The following EPHA1 variants were observed in gnomAD, a reference collection of about 807,000 sequenced individuals.
EPHA1 encodes EPH receptor A1.
EPHA1 carries 92 observed loss-of-function variants against 110.1 expected under a neutral mutation model. That is an observed-to-expected ratio of 0.84 (90% CI 0.71 to 0.99). EPHA1 has a LOEUF of 0.99. Ranked by LOEUF, EPHA1 falls within the 50% of genes least tolerant of loss-of-function variation. The pLI is 0.00. For synonymous variants in EPHA1, 500 were observed against 516.1 expected (o/e 0.97, Z 0.42); for missense variants, 1,204 against 1,285.4 (o/e 0.94, Z 0.97).
intron 2 of EPHA1, among the ~76,000 whole-genome samples, chr7:143,404,657 T>C (rs1051259885): frequency 2.6e-5 from 4 of 151,924 alleles, no homozygotes; most frequent in African/African-American, 9.7e-5. Context: ...AGGCTCGTTT[T>C]TGGACTTTCT....
Position 143,401,355 on chromosome 7 carries a change from C to A in EPHA1, c.401G>T (p.Gly134Val). The change falls in exon 3 of 18, where the codon GGC becomes GTC. Residue 134 changes from glycine (G) to valine (V), a missense_variant. Transcript: ENST00000275815. The surrounding 1 kb of genome is among the most constrained non-coding windows in gnomAD (Gnocchi z 4.1). ...LLYMESDQDV[G>V]IQLRRPLFQK... ...GAACAAGGGCCGTCGGAGCTGAATG[C>A]CCACATCCTGGTCACTCTCCATGTA... is the stretch of plus-strand genomic sequence containing the variant. 1 of 1,614,068 alleles carries A rather than the reference C, an allele frequency of 6.2e-7. No homozygotes were observed. The highest frequency in any genetic ancestry group is 8.5e-7 in the Non-Finnish European group (1 of 1,180,038).
Position 143,397,526 on chromosome 7 carries a change from G to A in EPHA1, c.1712+35C>T, listed in dbSNP as rs373850526. The A allele has an allele frequency of 3.4e-3, 5,533 of 1,612,152 alleles. 230 individuals are homozygous for A. The South Asian group carries it at 0.058, about 17-fold the overall frequency. On this transcript the variant is annotated intron_variant, in intron 9 of 17. Transcript: ENST00000275815. ...GCTGCAGTCAGGGGCTTCTGACCCA[G>A]GGCTGGTGGTTGGGGAGGGGGCAGG...
rs1563119657 is a variant in EPHA1 at position 143,401,527 on chromosome 7, T to C, written c.229A>G (p.Thr77Ala). The change falls in exon 3 of 18, where the codon ACT becomes GCT. Residue 77 changes from threonine (T) to alanine (A), a missense_variant. By Grantham distance (58) the Thr-to-Ala change is moderately conservative. Coordinates refer to ENST00000275815, the MANE Select transcript of EPHA1 (RefSeq NM_005232.5). The surrounding 1 kb of genome is among the most constrained non-coding windows in gnomAD (Gnocchi z 4.1). ...CAATTGGAGCGAAGCCAGTGGTCAG[T>C]GTCTCTGCGTCCTTGCATTGGGCAG... is the stretch of plus-strand genomic sequence containing the variant. ...QDCPMQGRRDTDHWLRSNWIY... is the reference protein window; with the variant it reads ...QDCPMQGRRDADHWLRSNWIY... The C allele has an allele frequency of 1.2e-6, 2 of 1,614,144 alleles. No individual in the cohort carries two copies. The highest frequency in any genetic ancestry group is 2.2e-5 in the South Asian group (2 of 91,088).
In EPHA1 at chr7:143,401,808, A is replaced by G. The variant is rs1405976079; in HGVS notation, c.151-203T>C. On this transcript the variant is annotated intron_variant, in intron 2 of 17. Coordinates refer to ENST00000275815, the MANE Select transcript of EPHA1 (RefSeq NM_005232.5). This position sits in a 1 kb window ranked among gnomAD's most constrained non-coding sequence, Gnocchi z 4.1. ...GTTTGGATATAAGATGGGCAAGACA[A>G]TAGTCCCTTAACATCCCTAGTTGAT... 6.6e-6 allele frequency among the ~76,000 whole-genome samples: 1 copy of G among 152,214 alleles called. No individual in the cohort carries two copies. Among genetic ancestry groups the G allele is most frequent in the African/African-American group, 2.4e-5 (1 of 41,452 alleles).
intron 2 of EPHA1, among the ~76,000 whole-genome samples, chr7:143,405,253 A>C (rs2116638268): frequency 6.6e-6 from 1 of 152,282 alleles, no homozygotes; most frequent in Non-Finnish European, 1.5e-5. Context: ...CCGTGGCTGA[A>C]GCTGGAGCCA....
At chr7:143,402,881 A>G (rs1299287954) in intron 2 of EPHA1, among the ~76,000 whole-genome samples, 1 of 152,150 alleles carries the variant, frequency 6.6e-6, no homozygotes, top group African/African-American at 2.4e-5. Flanking sequence ...TACACAGAAT[A>G]AAGTTTAATT....
intron 11 of EPHA1, 136 bp downstream of exon 11, chr7:143,396,249 T>C: frequency 8.2e-7 from 1 of 1,224,636 alleles, no homozygotes; most frequent in Non-Finnish European, 1.1e-6. Context: ...CAGAGCAGAG[T>C]GAGTACCTCT....
chr7:143,393,571 A>AGCTCCCCAGGCCCAGC lies in EPHA1; in HGVS notation c.2696+84_2696+99dup. 7.3e-7 allele frequency: 1 copy of AGCTCCCCAGGCCCAGC among 1,370,346 alleles called. No homozygotes were observed. Among genetic ancestry groups the AGCTCCCCAGGCCCAGC allele is most frequent in the Admixed American group, 2.2e-5 (1 of 45,554 alleles). 84.9% of individuals were successfully genotyped at this position (1,370,346 alleles called of 1,614,324 possible). On this transcript the variant is annotated intron_variant, in intron 16 of 17. Transcript: ENST00000275815. The surrounding 1 kb of genome is among the most constrained non-coding windows in gnomAD (Gnocchi z 5.6). Reference sequence around the variant, plus strand: ...GCCTCATACACTGGACTTGGTCCAGAGCTCCCCAGGCCCAGCGCTCAAAGA... The same window carrying AGCTCCCCAGGCCCAGC: ...GCCTCATACACTGGACTTGGTCCAGAGCTCCCCAGGCCCAGCGCTCCCCAGGCCCAGCGCTCAAAGA...
Position 143,395,824 on chromosome 7 carries a change from C to T in EPHA1, c.1898-320G>A, listed in dbSNP as rs909669475. 2.0e-5 allele frequency among the ~76,000 whole-genome samples: 3 copies of T among 152,244 alleles called. No homozygotes were observed. The highest frequency in any genetic ancestry group is 1.3e-4 in the Admixed American group (2 of 15,282). ...GCTCATGAAGAGCAAGCTAGTGCGG[C>T]ACTAGTACCCAAGTGGCAGGGACGC... On this transcript the variant is annotated intron_variant, in intron 11 of 17. Transcript: ENST00000275815. The surrounding 1 kb of genome is among the most constrained non-coding windows in gnomAD (Gnocchi z 4.7).
chr7:143,400,021 G>A lies in EPHA1; in HGVS notation c.465C>T (p.Thr155=), dbSNP rs1805376667. The part of the protein sequence containing the change: ...VTTVAADQSF[T]IRDLVSGSVK... ...CGGAGCCAGACACAAGGTCTCGAAT[G>A]GTGAAGCTCTGGTCTGCAGCCACCG... Residue 155 remains threonine, a synonymous_variant, in exon 4 of 18, where the codon ACC becomes ACT. Coordinates refer to ENST00000275815, the MANE Select transcript of EPHA1 (RefSeq NM_005232.5). The A allele has an allele frequency of 6.2e-7, 1 of 1,611,480 alleles. No homozygotes were observed. The highest frequency in any genetic ancestry group is 8.5e-7 in the Non-Finnish European group (1 of 1,178,158).
chr7:143,408,737 C>A lies in EPHA1; in HGVS notation c.69G>T (p.Ala23=), dbSNP rs12703524. 0.43 allele frequency: 410,929 copies of A among 948,264 alleles called. 91,086 individuals are homozygous for A. The highest frequency in any genetic ancestry group is 0.51 in the Middle Eastern group (1,349 of 2,630). 58.7% of individuals were successfully genotyped at this position (948,264 alleles called of 1,614,324 possible). A position where few individuals can be genotyped will look rare whatever the true frequency, so the allele number is the denominator to read the frequency against. ...LLLCAPLPPG[A]RAKEVTLMDT... is the part of the protein sequence containing the mutation. ...GGGGGTCGGTACCTTCCTTGGCGCG[C>A]GCCCCCGGGGGCAGCGGGGCGCAGA... Residue 23 remains alanine (A), a synonymous_variant, in exon 1 of 18, where the codon GCG becomes GCT. Transcript: ENST00000275815.
intron 15 of EPHA1, 71 bp downstream of exon 15, chr7:143,394,123 A>G: frequency 1.3e-6 from 2 of 1,537,008 alleles, no homozygotes; most frequent in Non-Finnish European, 1.8e-6. Context: ...GGAAAAGGCC[A>G]TGGGAGGACC....
chr7:143,405,596 CA>C (rs1305759579), intron 2 of EPHA1, among the ~76,000 whole-genome samples: 1 of 152,062 alleles, frequency 6.6e-6, no homozygotes, highest in Non-Finnish European at 1.5e-5. Context: ...CCATTCCAGT[CA>C]AATTAGGGAA....
intron 10 of EPHA1, 91 bp from the exon 11 acceptor site, chr7:143,396,601 C>A: frequency 1.4e-6 from 2 of 1,471,314 alleles, no homozygotes; most frequent in South Asian, 2.5e-5. Flanking sequence ...CCACACACTT[C>A]TCCACACCTC....
intron 1 of EPHA1, 94 bp from the exon 2 acceptor site, chr7:143,407,772 C>A: frequency 8.8e-7 from 1 of 1,136,524 alleles, no homozygotes. Flanking sequence ...CCCCAGGCTG[C>A]AACATCCTGT....
At chr7:143,405,049 A>G (rs913299784) in intron 2 of EPHA1, among the ~76,000 whole-genome samples, 3 of 152,006 alleles carry the variant, frequency 2.0e-5, no homozygotes, top group Non-Finnish European at 4.4e-5. Context: ...TATGAGGCAC[A>G]TATTTCTGCA....
At chr7:143,407,161 G>A (rs948485882) in intron 2 of EPHA1, among the ~76,000 whole-genome samples, 3 of 152,112 alleles carry the variant, frequency 2.0e-5, no homozygotes, top group African/African-American at 7.2e-5. Context: ...AGAATTTAGA[G>A]TACACTTTCA....
At chr7:143,400,162 C>T (rs1445491894) in intron 3 of EPHA1, 109 bp from the exon 4 acceptor site, 1 of 1,316,982 alleles carries the variant, frequency 7.6e-7, no homozygotes, top group African/African-American at 1.5e-5. Flanking sequence ...GAACACTGAG[C>T]CTTGTATGTG....
Position 143,408,716 on chromosome 7 carries a change from G to A in EPHA1, c.82+8C>T, listed in dbSNP as rs1586591474. On this transcript the variant is annotated splice_region_variant and intron_variant, in intron 1 of 17. Coordinates refer to ENST00000275815, the MANE Select transcript of EPHA1 (RefSeq NM_005232.5). The stretch of plus-strand genomic sequence containing the variant: ...GGGGGTTGGGGGCGCGGGGGCGGGG[G>A]TCGGTACCTTCCTTGGCGCGCGCCC... 1.4e-6 allele frequency: 1 copy of A among 710,982 alleles called. No individual in the cohort carries two copies. The highest frequency in any genetic ancestry group is 1.9e-6 in the Non-Finnish European group (1 of 517,506). 44.0% of individuals were successfully genotyped at this position (710,982 alleles called of 1,614,324 possible). A position where few individuals can be genotyped will look rare whatever the true frequency, so the allele number is the denominator to read the frequency against.
Sources: allele counts gnomAD v4.1 joint callset (sites outside exome capture counted in the v4.1 genomes callset), GRCh38; gene constraint gnomAD v4.1.1; non-coding constraint Gnocchi (gnomAD v3.1); transcripts MANE v1.5; gene names NCBI Gene and HGNC (gene_info 2026-07-23, HGNC 2026-07-21).